The following NTM variants were observed in gnomAD, a reference collection of about 807,000 sequenced individuals.
NTM encodes the protein IgLON family member 2.
Under a neutral mutation model 42.1 loss-of-function variants are expected in NTM, and 13 were observed. The ratio of observed to expected loss-of-function variants is 0.31; its 90% CI spans 0.20 to 0.49. The LOEUF is 0.49. Among genes scored for constraint, NTM ranks in the 20% least tolerant of loss-of-function variants. NTM has a pLI of 0.99. For synonymous variants in NTM, 187 were observed against 179.2 expected (o/e 1.04, Z -0.35); for missense variants, 373 against 452.8 (o/e 0.82, Z 1.60).
intron 1 of NTM, among the ~76,000 whole-genome samples, chr11:131,703,352 T>C (rs1345028269): frequency 6.6e-6 from 1 of 152,242 alleles, no homozygotes; most frequent in African/African-American, 2.4e-5. Context: ...TATACAGTGA[T>C]TGTTTTTCAA....
intron 2 of NTM, among the ~76,000 whole-genome samples, chr11:132,024,217 A>G (rs2074834516): frequency 1.3e-5 from 2 of 151,916 alleles, no homozygotes; most frequent in African/African-American, 4.8e-5. Flanking sequence ...ATTTCCCCAA[A>G]GACATCCAGG....
chr11:131,794,202 C>T (rs186464312), intron 1 of NTM, among the ~76,000 whole-genome samples: 17 of 151,838 alleles, frequency 1.1e-4, no homozygotes, highest in Admixed American at 1.0e-3. Flanking sequence ...GGGCCTGTCT[C>T]GCACCTCTGG....
intron 1 of NTM, among the ~76,000 whole-genome samples, chr11:131,393,059 C>T (rs1327428307): frequency 3.3e-5 from 5 of 152,134 alleles, no homozygotes; most frequent in African/African-American, 7.2e-5. Flanking sequence ...ACTCCCCTGC[C>T]GTCAGGGATT....
At chr11:131,696,134 T>C (rs2075413242) in intron 1 of NTM, among the ~76,000 whole-genome samples, 1 of 152,154 alleles carries the variant, frequency 6.6e-6, no homozygotes, top group South Asian at 2.1e-4. Flanking sequence ...GAATTGTACT[T>C]GGGACAAAAA....
At chr11:131,823,913 G>T (rs1017108022) in intron 1 of NTM, among the ~76,000 whole-genome samples, 1 of 152,182 alleles carries the variant, frequency 6.6e-6, no homozygotes, top group Non-Finnish European at 1.5e-5. Flanking sequence ...GAAAGCGCAT[G>T]GAATAGTTCC....
rs182805290 is a variant in NTM at position 131,818,062 on chromosome 11, G to A, written c.83-93502G>A. On this transcript the variant is annotated intron_variant, in intron 1 of 8. Coordinates refer to ENST00000683400, the MANE Select transcript of NTM (RefSeq NM_001352005.2). ...CAGTACACACTTGACACACATCAGC[G>A]GCTTTTGGCACCCACCAGTCATCAA... is the stretch of plus-strand genomic sequence containing the variant. 1.1e-4 allele frequency among the ~76,000 whole-genome samples: 16 copies of A among 152,280 alleles called. No homozygotes were observed. In the East Asian group the frequency reaches 2.3e-3, roughly 22 times the overall value.
chr11:131,467,667 T>G (rs1224618159), intron 1 of NTM, among the ~76,000 whole-genome samples: 1 of 152,194 alleles, frequency 6.6e-6, no homozygotes, highest in Non-Finnish European at 1.5e-5. Flanking sequence ...ATTAAATAAT[T>G]TAGTGGCCTC....
chr11:132,239,992 A>G (rs953703444), intron 4 of NTM, among the ~76,000 whole-genome samples: 1 of 151,274 alleles, frequency 6.6e-6, no homozygotes, highest in Non-Finnish European at 1.5e-5. Context: ...TCCATCATCC[A>G]TCCATCCATT....
intron 1 of NTM, among the ~76,000 whole-genome samples, chr11:131,628,251 C>A (rs944749524): frequency 6.6e-6 from 1 of 152,202 alleles, no homozygotes; most frequent in Non-Finnish European, 1.5e-5. Context: ...AGATCTTTCA[C>A]GGGTGACCCC....
At chr11:131,569,152 T>A (rs996149558) in intron 1 of NTM, among the ~76,000 whole-genome samples, 12 of 151,886 alleles carry the variant, frequency 7.9e-5, no homozygotes, top group Non-Finnish European at 1.5e-4. Context: ...TTTCATTTTT[T>A]TTTTTTTTTG....
chr11:131,980,469 A>G (rs560963590), intron 2 of NTM, among the ~76,000 whole-genome samples: 1 of 152,328 alleles, frequency 6.6e-6, no homozygotes, highest in South Asian at 2.1e-4. Context: ...ATCTCTACTG[A>G]TCTCTTAAAT....
intron 4 of NTM, among the ~76,000 whole-genome samples, chr11:132,214,613 T>C (rs1446549230): frequency 6.6e-6 from 1 of 152,200 alleles, no homozygotes; most frequent in Non-Finnish European, 1.5e-5. Context: ...CTCCTTGCAA[T>C]TGTTTGTTGT....
chr11:132,065,922 G>A (rs902834663), intron 2 of NTM, among the ~76,000 whole-genome samples: 3 of 152,192 alleles, frequency 2.0e-5, no homozygotes, highest in African/African-American at 7.2e-5. Flanking sequence ...CAATAGCCAT[G>A]CTATACAGCC....
Position 131,598,427 on chromosome 11 carries a change from G to T in NTM, c.82+227539G>T, listed in dbSNP as rs115244985. 7.2e-3 allele frequency among the ~76,000 whole-genome samples: 1,104 copies of T among 152,332 alleles called. 13 individuals carry two copies. Among genetic ancestry groups the T allele is most frequent in the African/African-American group, 0.025 (1,056 of 41,582 alleles). On this transcript the variant is annotated intron_variant, in intron 1 of 8. Coordinates refer to ENST00000683400, the MANE Select transcript of NTM (RefSeq NM_001352005.2). ...ACGCTTGTCTTTCTACACTGTCCTT[G>T]TTATGTAGATTCTGTTAGTCAGGAT...
At chr11:132,016,032 A>G (rs1419191439) in intron 2 of NTM, among the ~76,000 whole-genome samples, 1 of 151,572 alleles carries the variant, frequency 6.6e-6, no homozygotes, top group African/African-American at 2.4e-5. Context: ...TTTCTCATTC[A>G]GTATGATGTT....
chr11:131,774,071 T>C, intron 1 of NTM: 1 of 985,034 alleles, frequency 1.0e-6, no homozygotes, highest in Non-Finnish European at 1.2e-6. Flanking sequence ...GTTGTTCCAA[T>C]GTTGTTCCAA....
chr11:132,055,280 C>T (rs755434829), intron 2 of NTM, among the ~76,000 whole-genome samples: 38 of 152,202 alleles, frequency 2.5e-4, no homozygotes, highest in Admixed American at 6.5e-5. Flanking sequence ...CCATGTTTCA[C>T]CTCTCAAAGA....
At chr11:132,114,564 A>G (rs2063630682) in intron 2 of NTM, among the ~76,000 whole-genome samples, 2 of 151,692 alleles carry the variant, frequency 1.3e-5, no homozygotes, top group Non-Finnish European at 2.9e-5. Context: ...CCTTTCCCAT[A>G]CCCCTGGCCA....
intron 1 of NTM, among the ~76,000 whole-genome samples, chr11:131,743,504 A>T (rs892617589): frequency 6.6e-6 from 1 of 152,228 alleles, no homozygotes; most frequent in Non-Finnish European, 1.5e-5. Flanking sequence ...TCTTCCTAAA[A>T]GGAATAATTC....
Sources: gnomAD v4.1 joint callset for allele counts (sites outside exome capture counted in the v4.1 genomes callset) on GRCh38, gnomAD v4.1.1 for gene constraint, MANE v1.5 for transcripts, NCBI Gene and HGNC (gene_info 2026-07-23, HGNC 2026-07-21) for gene names.